Variants in LRRC58 observed in about 807,000 individuals in gnomAD.
LRRC58 encodes leucine rich repeat containing 58, also known as leucine-rich repeat-containing protein 58.
A neutral mutation model predicts 30.6 loss-of-function variants in LRRC58; 18 were observed. The observed-to-expected ratio is 0.59, with a 90% CI of 0.41 to 0.87. The LOEUF is 0.87. LRRC58 is among the 40% of genes least tolerant of loss of function. The probability of loss-of-function intolerance (pLI) is 0.00; values close to 1 mark genes in which losing one functional copy is unlikely to be tolerated. For synonymous variants in LRRC58, 221 were observed against 206.0 expected, an observed-to-expected ratio of 1.07 and a Z score of -0.62; for missense variants, 420 against 468.4, an observed-to-expected ratio of 0.90 and a Z score of 0.95.
chr3:120,349,252 C>T lies in LRRC58; in HGVS notation c.-9G>A, dbSNP rs1936023118. On this transcript the variant is annotated 5_prime_UTR_variant, in exon 1 of 4. It adds an upstream start codon to the 5' untranslated region. Transcript: ENST00000295628. ...GCTCCGGCCTCCTCCATCCTGGCCA[C>T]CGCACGGCGCGTGGCGCCGGATTCC... 1 of 1,360,746 alleles carries T rather than the reference C, an allele frequency of 7.3e-7. No individual in the cohort carries two copies. The highest frequency in any genetic ancestry group is 9.4e-7 in the Non-Finnish European group (1 of 1,063,660). The allele number at this position is 1,360,746 out of a possible 1,614,324, so 84.3% of individuals were successfully genotyped here.
intron 1 of LRRC58, among the ~76,000 whole-genome samples, chr3:120,341,418 A>G (rs190622684): frequency 1.3e-5 from 2 of 152,068 alleles, no homozygotes; most frequent in Non-Finnish European, 2.9e-5. Context: ...AGAGAGGGAG[A>G]AAAAAAATAA....
intron 1 of LRRC58, among the ~76,000 whole-genome samples, 189 bp from the exon 2 acceptor site, chr3:120,336,142 G>A (rs1935832245): frequency 6.6e-6 from 1 of 152,102 alleles, no homozygotes; most frequent in Non-Finnish European, 1.5e-5. Flanking sequence ...CTAAGCAGAC[G>A]AGACAGACCA....
In LRRC58 at chr3:120,331,070, T is replaced by C; in HGVS notation, c.*130A>G. 1 of 733,254 alleles carries C rather than the reference T, an allele frequency of 1.4e-6. No individual in the cohort carries two copies. Among genetic ancestry groups the C allele is most frequent in the Non-Finnish European group, 2.3e-6 (1 of 435,022 alleles). 45.4% of individuals were successfully genotyped at this position (733,254 alleles called of 1,614,324 possible). A position where few individuals can be genotyped will look rare whatever the true frequency, so the allele number is the denominator to read the frequency against. On this transcript the variant is annotated 3_prime_UTR_variant, in exon 4 of 4. Coordinates refer to ENST00000295628, the MANE Select transcript of LRRC58 (RefSeq NM_001099678.2). Reference sequence around the variant, plus strand: ...TGGGTAGATGAAACACAAAATGTTTTATATCATCCCAGACTCTTTGATGAA... The same window carrying C: ...TGGGTAGATGAAACACAAAATGTTTCATATCATCCCAGACTCTTTGATGAA...
chr3:120,342,640 T>G (rs138607056), intron 1 of LRRC58, among the ~76,000 whole-genome samples: 391 of 152,328 alleles, frequency 2.6e-3, no homozygotes, highest in African/African-American at 7.7e-3. Context: ...GAGGAGCTAC[T>G]CACTCATCTC....
At chr3:120,340,232 C>T (rs1472501071) in intron 1 of LRRC58, among the ~76,000 whole-genome samples, 1 of 152,154 alleles carries the variant, frequency 6.6e-6, no homozygotes, top group Non-Finnish European at 1.5e-5. Flanking sequence ...ATTTCTTTAT[C>T]TCTTTGAGCT....
intron 3 of LRRC58, among the ~76,000 whole-genome samples, chr3:120,333,974 C>A (rs1198523229): frequency 3.3e-5 from 5 of 152,202 alleles, no homozygotes; most frequent in Non-Finnish European, 7.3e-5. Flanking sequence ...TACTCTCCCC[C>A]TCCTTTGATT....
Position 120,335,066 on chromosome 3 carries a change from T to C in LRRC58, c.703A>G (p.Ile235Val). Residue 235 changes from isoleucine (I) to valine (V), a missense_variant, in exon 3 of 4, where the codon ATT (isoleucine) becomes GTT (valine). Physicochemically the swap from Ile to Val is conservative, Grantham distance 29. This residue lies in a region of LRRC58 where 154 missense variants were observed against 216.8 expected (regional missense o/e 0.71). Coordinates refer to ENST00000295628, the MANE Select transcript of LRRC58 (RefSeq NM_001099678.2). ...TYLPREILNL[I>V]HLEELSLRGN... Reference sequence around the variant, plus strand: ...CGTAAACTCAACTCTTCCAAATGAATAAGGTTGAGGATCTCTCGAGGCAGA... The same window carrying C: ...CGTAAACTCAACTCTTCCAAATGAACAAGGTTGAGGATCTCTCGAGGCAGA... 1 of 1,613,924 alleles carries C rather than the reference T, an allele frequency of 6.2e-7. No homozygotes were observed. The highest frequency in any genetic ancestry group is 8.5e-7 in the Non-Finnish European group (1 of 1,179,850).
In LRRC58 at chr3:120,349,235, C is replaced by A. The variant is rs1936022767; in HGVS notation, c.9G>T (p.Glu3Asp). 7.2e-7 allele frequency: 1 copy of A among 1,387,984 alleles called. No homozygotes were observed. 86.0% of individuals were successfully genotyped at this position (1,387,984 alleles called of 1,614,324 possible). Residue 3 changes from glutamate (E) to aspartate (D), a missense_variant, in exon 1 of 4, where the codon GAG becomes GAT. Coordinates refer to ENST00000295628, the MANE Select transcript of LRRC58 (RefSeq NM_001099678.2). ME[E>D]AGAAVVTAGE... ...CGGCCGTGACCACCGCTGCTCCGGCCTCCTCCATCCTGGCCACCGCACGGC... is the reference window on the plus strand; with the variant it reads ...CGGCCGTGACCACCGCTGCTCCGGCATCCTCCATCCTGGCCACCGCACGGC...
chr3:120,348,593 C>T (rs1936006869), intron 1 of LRRC58, 151 bp downstream of exon 1: 2 of 872,612 alleles, frequency 2.3e-6, no homozygotes, highest in Non-Finnish European at 3.3e-6. Flanking sequence ...CAACAACTTG[C>T]TGAGATGGTT....
Position 120,326,949 on chromosome 3 carries a change from C to T in LRRC58, c.*4251G>A, listed in dbSNP as rs1002073225. The T allele has an allele frequency of 6.6e-6, 1 of 152,150 alleles. No homozygotes were observed. Among genetic ancestry groups the T allele is most frequent in the African/African-American group, 2.4e-5 (1 of 41,426 alleles). 9.4% of individuals were successfully genotyped at this position (152,150 alleles called of 1,614,324 possible). On this transcript the variant is annotated 3_prime_UTR_variant, in exon 4 of 4. Transcript: ENST00000295628. The stretch of plus-strand genomic sequence containing the variant: ...AAAGGTAAACATTAACCAAGGCTAC[C>T]TGTTATATCACAAATTCCAGGTTAA...
chr3:120,349,115 CCGCGCCCCG>C lies in LRRC58; in HGVS notation c.120_128del (p.Gly41_Arg43del). On this transcript the variant is annotated inframe_deletion, in exon 1 of 4. Transcript: ENST00000295628. ...GCAGCAGCAGCCGCAGCAGCGCCTC[CCGCGCCCCG>C]CGCCGCTCCTCCCCCCGCGCCTCCA... 2 of 1,509,464 alleles carry C rather than the reference CCGCGCCCCG, an allele frequency of 1.3e-6. No homozygotes were observed. Among genetic ancestry groups the C allele is most frequent in the Non-Finnish European group, 1.8e-6 (2 of 1,137,454 alleles). The allele number at this position is 1,509,464 out of a possible 1,614,324, so 93.5% of individuals were successfully genotyped here.
intron 3 of LRRC58, among the ~76,000 whole-genome samples, chr3:120,333,357 G>C (rs1935786347): frequency 6.6e-6 from 1 of 152,226 alleles, no homozygotes; most frequent in South Asian, 2.1e-4. Context: ...TGAGGGCCTG[G>C]TGTGAATGCT....
chr3:120,333,091 C>CA (rs60534761), intron 3 of LRRC58, among the ~76,000 whole-genome samples: 28,376 of 83,524 alleles, frequency 0.34, 3,624 homozygotes, highest in Admixed American at 0.43. Context: ...GACTCCGTCT[C>CA]AAAAAAAAAA....
chr3:120,332,476 A>T (rs6803428), intron 3 of LRRC58, among the ~76,000 whole-genome samples: 28,990 of 152,170 alleles, frequency 0.19, 3,879 homozygotes, highest in African/African-American at 0.36. Context: ...AATACATTCA[A>T]TAAGTTGGTC....
chr3:120,332,167 A>G (rs1477295518), intron 3 of LRRC58, among the ~76,000 whole-genome samples: 1 of 152,218 alleles, frequency 6.6e-6, no homozygotes, highest in East Asian at 1.9e-4. Context: ...TCTAAGACAA[A>G]GACTGTCACA....
At chr3:120,347,878 T>G (rs1175755743) in intron 1 of LRRC58, among the ~76,000 whole-genome samples, 1 of 152,250 alleles carries the variant, frequency 6.6e-6, no homozygotes, top group Non-Finnish European at 1.5e-5. Context: ...TTATCCTGTT[T>G]CTCTGCTTCC....
Position 120,324,591 on chromosome 3 carries a change from A to G in LRRC58, c.*6609T>C, listed in dbSNP as rs1015927168. On this transcript the variant is annotated 3_prime_UTR_variant, in exon 4 of 4. Transcript: ENST00000295628. Reference sequence around the variant, plus strand: ...ATATCAACATTATAGAGACTTTAATATAGAACTGGATTCCAACAAAACAGT... The same window carrying G: ...ATATCAACATTATAGAGACTTTAATGTAGAACTGGATTCCAACAAAACAGT... 2.0e-5 allele frequency: 3 copies of G among 152,250 alleles called. No individual in the cohort carries two copies. The highest frequency in any genetic ancestry group is 4.4e-5 in the Non-Finnish European group (3 of 68,038). 9.4% of individuals were successfully genotyped at this position (152,250 alleles called of 1,614,324 possible).
intron 1 of LRRC58, among the ~76,000 whole-genome samples, chr3:120,345,015 C>T (rs1268434911): frequency 6.6e-6 from 1 of 151,900 alleles, no homozygotes; most frequent in Non-Finnish European, 1.5e-5. Flanking sequence ...ACATTGATAA[C>T]CTAATTTACT....
Position 120,331,046 on chromosome 3 carries a change from G to A in LRRC58, c.*154C>T. On this transcript the variant is annotated 3_prime_UTR_variant, in exon 4 of 4. Coordinates refer to ENST00000295628, the MANE Select transcript of LRRC58 (RefSeq NM_001099678.2). ...GGGACTGGACTCATTCTTGCTGAAT[G>A]GGTAGATGAAACACAAAATGTTTTA... The A allele has an allele frequency of 1.6e-6, 1 of 635,348 alleles. No homozygotes were observed. Among genetic ancestry groups the A allele is most frequent in the South Asian group, 2.0e-5 (1 of 50,690 alleles). The allele number at this position is 635,348 out of a possible 1,614,324, so 39.4% of individuals were successfully genotyped here.
Sources: gnomAD v4.1 joint callset for allele counts (sites outside exome capture counted in the v4.1 genomes callset) on GRCh38, gnomAD v4.1.1 for gene constraint, gnomAD v4.1.1 regional missense constraint, MANE v1.5 for transcripts, NCBI Gene and HGNC (gene_info 2026-07-23, HGNC 2026-07-21) for gene names.